The following SCN9A variants were observed in gnomAD, a reference collection of about 807,000 sequenced individuals.
SCN9A encodes sodium channel protein type 9 subunit alpha.
Under a neutral mutation model 187.0 loss-of-function variants are expected in SCN9A, and 131 were observed. That is an observed-to-expected ratio of 0.70 (90% CI 0.61 to 0.81). The LOEUF is 0.81. SCN9A is among the 30% of genes least tolerant of loss of function. The probability of loss-of-function intolerance (pLI) is 0.00; values close to 1 mark genes in which losing one functional copy is unlikely to be tolerated. For synonymous variants in SCN9A, 809 were observed against 808.6 expected, an observed-to-expected ratio of 1.00 and a Z score of -0.01; for missense variants, 2,252 against 2,396.6, an observed-to-expected ratio of 0.94 and a Z score of 1.26.
intron 7 of SCN9A, among the ~76,000 whole-genome samples, chr2:166,299,289 T>C (rs1277717277): frequency 6.6e-6 from 1 of 150,858 alleles, no homozygotes; most frequent in Non-Finnish European, 1.5e-5. Flanking sequence ...TCTACACATA[T>C]TACCTTCTTT....
intron 1 of SCN9A, among the ~76,000 whole-genome samples, chr2:166,331,027 G>T (rs1699490489): frequency 6.6e-6 from 1 of 151,898 alleles, no homozygotes; most frequent in Non-Finnish European, 1.5e-5. Flanking sequence ...GGGCAAATTA[G>T]GCACAAAAGA....
chr2:166,355,145 G>A (rs1291270450), intron 1 of SCN9A, among the ~76,000 whole-genome samples: 1 of 151,630 alleles, frequency 6.6e-6, no homozygotes, highest in Non-Finnish European at 1.5e-5. Context: ...ACCCAGGCTG[G>A]AGTGCAGTGA....
Position 166,368,468 on chromosome 2 carries a change from T to C in SCN9A, c.-51+7229A>G, listed in dbSNP as rs1025832822. On this transcript the variant is annotated intron_variant, in intron 1 of 26. Transcript: ENST00000642356. The stretch of plus-strand genomic sequence containing the variant: ...GGCCAACATGGTGAAACCCCATCTC[T>C]ACTAAAACTGCAAAATTAGCCGGGC... Among the ~76,000 whole-genome samples, 5 of 152,138 alleles carry C rather than the reference T, an allele frequency of 3.3e-5. No individual in the cohort carries two copies. In the South Asian group the frequency reaches 1.0e-3, roughly 32 times the overall value.
chr2:166,319,926 T>C (rs1325698471), intron 1 of SCN9A, among the ~76,000 whole-genome samples: 2 of 152,076 alleles, frequency 1.3e-5, no homozygotes, highest in African/African-American at 4.8e-5. Context: ...GAGGTTCAGG[T>C]ATATTCCATT....
intron 1 of SCN9A, among the ~76,000 whole-genome samples, chr2:166,344,459 G>C (rs9287866): frequency 0.057 from 8,743 of 152,150 alleles, 740 homozygotes; most frequent in African/African-American, 0.19. Context: ...CTAAGGACTT[G>C]TAATTTGTAC....
At chr2:166,339,332 G>C (rs1290046461) in intron 1 of SCN9A, among the ~76,000 whole-genome samples, 1 of 152,060 alleles carries the variant, frequency 6.6e-6, no homozygotes, top group African/African-American at 2.4e-5. Flanking sequence ...GATATATAAT[G>C]TATCACAGAA....
intron 26 of SCN9A, among the ~76,000 whole-genome samples, chr2:166,201,037 C>G (rs574837810): frequency 1.3e-5 from 2 of 152,106 alleles, no homozygotes; most frequent in Admixed American, 1.3e-4. Context: ...AAAATAACCA[C>G]AAATTGAAGA....
chr2:166,248,737 G>C (rs1460053676), intron 18 of SCN9A, among the ~76,000 whole-genome samples: 1 of 152,110 alleles, frequency 6.6e-6, no homozygotes, highest in Non-Finnish European at 1.5e-5. Flanking sequence ...CACAATCTTG[G>C]CTCACTGCAA....
intron 1 of SCN9A, among the ~76,000 whole-genome samples, chr2:166,326,111 A>G (rs1291292182): frequency 6.6e-6 from 1 of 152,104 alleles, no homozygotes; most frequent in African/African-American, 2.4e-5. Flanking sequence ...ATGTCTTGGC[A>G]CCAAGAAAAT....
chr2:166,245,140 A>G (rs962264477), intron 18 of SCN9A, among the ~76,000 whole-genome samples: 2 of 152,034 alleles, frequency 1.3e-5, no homozygotes, highest in Non-Finnish European at 2.9e-5. Context: ...TGCTAAAACT[A>G]TACTTGTTTA....
chr2:166,361,785 A>AAG (rs141401072), intron 1 of SCN9A, among the ~76,000 whole-genome samples: 9,663 of 152,180 alleles, frequency 0.063, 438 homozygotes, highest in African/African-American at 0.12. Context: ...AATAGCCAGC[A>AAG]AGATACAAGG....
At chr2:166,309,334 G>A (rs1698865724) in intron 2 of SCN9A, among the ~76,000 whole-genome samples, 1 of 152,130 alleles carries the variant, frequency 6.6e-6, no homozygotes, top group Non-Finnish European at 1.5e-5. Flanking sequence ...AAACTTTTAA[G>A]TGATTTTTGG....
chr2:166,316,820 A>C (rs1699121906), intron 1 of SCN9A, among the ~76,000 whole-genome samples: 1 of 152,214 alleles, frequency 6.6e-6, no homozygotes, highest in African/African-American at 2.4e-5. Flanking sequence ...CAAAGACAGT[A>C]ATCTCAGGTG....
chr2:166,320,668 A>G (rs948437653), intron 1 of SCN9A, among the ~76,000 whole-genome samples: 2 of 152,290 alleles, frequency 1.3e-5, no homozygotes, highest in East Asian at 1.9e-4. Context: ...ATTCTTCCAT[A>G]GTGAGCTTTG....
At chr2:166,207,955 C>T (rs1160237522) in intron 24 of SCN9A, among the ~76,000 whole-genome samples, 1 of 152,158 alleles carries the variant, frequency 6.6e-6, no homozygotes, top group African/African-American at 2.4e-5. Context: ...GAGGAGAAAA[C>T]TCCAACTTTG....
chr2:166,294,701 C>T, intron 7 of SCN9A, 39 bp from the exon 8 acceptor site: 2 of 1,351,158 alleles, frequency 1.5e-6, no homozygotes, highest in Non-Finnish European at 2.1e-6. Flanking sequence ...ACATCACAGA[C>T]TTTAATCTGT....
At chr2:166,233,208 T>TATGA (rs1695172115) in intron 21 of SCN9A, 132 bp downstream of exon 21, 2 of 560,358 alleles carry the variant, frequency 3.6e-6, no homozygotes, top group East Asian at 3.4e-5. Context: ...TATGTATATG[T>TATGA]ACACACACAT....
At chr2:166,369,330 C>T (rs147697530) in intron 1 of SCN9A, among the ~76,000 whole-genome samples, 9 of 152,106 alleles carry the variant, frequency 5.9e-5, no homozygotes, top group Non-Finnish European at 1.5e-5. Context: ...ATTTATTTAT[C>T]TGTGCTTTTA....
rs1445912303 is a variant in SCN9A at position 166,249,754 on chromosome 2, A to G, written c.3472+2011T>C. ...CACCTACAGTCTGAAATAGCATAGT[A>G]TTAATACTTTCTGTAAGAGTTTAAG... On this transcript the variant is annotated intron_variant, in intron 18 of 26. Transcript: ENST00000642356. Among the ~76,000 whole-genome samples the G allele has an allele frequency of 3.9e-5, 6 of 152,290 alleles. No individual in the cohort carries two copies. The East Asian group carries it at 1.2e-3, about 29-fold the overall frequency.
Sources: gnomAD v4.1 joint callset for allele counts (sites outside exome capture counted in the v4.1 genomes callset) on GRCh38, gnomAD v4.1.1 for gene constraint, MANE v1.5 for transcripts, NCBI Gene and HGNC (gene_info 2026-07-23, HGNC 2026-07-21) for gene names.